Variants in MAOA observed in about 807,000 individuals in gnomAD.
MAOA encodes monoamine oxidase A.
A neutral mutation model predicts 42.0 loss-of-function variants in MAOA; 6 were observed. That is an observed-to-expected ratio of 0.14 (90% confidence interval 0.08 to 0.28). The LOEUF (loss-of-function observed/expected upper bound fraction) is 0.28, where lower values mean the gene tolerates loss of function less well. Among genes scored for constraint, MAOA ranks in the 10% least tolerant of loss-of-function variants. MAOA has a pLI of 1.00. For missense variants in MAOA, 262 were observed against 422.3 expected (o/e 0.62, Z 3.33); for synonymous variants, 140 against 154.0 (o/e 0.91, Z 0.67).
At chrX:43,672,504 G>C (rs2033346707) in intron 1 of MAOA, among the ~76,000 whole-genome samples, 1 of 111,303 alleles carries the variant, frequency 9.0e-6, no homozygotes, top group Non-Finnish European at 1.9e-5. Context: ...GTGAGAGAGG[G>C]CATCCCTGTC....
At chrX:43,711,205 A>G (rs1243065412) in intron 3 of MAOA, among the ~76,000 whole-genome samples, 1 of 111,028 alleles carries the variant, frequency 9.0e-6, no homozygotes, top group African/African-American at 3.3e-5. Flanking sequence ...GGTAGCTGGG[A>G]CCATCCTGCC....
intron 2 of MAOA, among the ~76,000 whole-genome samples, chrX:43,692,048 CAT>C (rs2033540199): frequency 9.5e-6 from 1 of 104,794 alleles, no homozygotes; most frequent in Non-Finnish European, 2.0e-5. Context: ...CGCACGCACA[CAT>C]CTTTAAAGCA....
intron 3 of MAOA, 98 bp downstream of exon 3, chrX:43,693,526 A>G (rs41303697): frequency 0.069 from 65,097 of 939,875 alleles, 1,795 homozygotes; most frequent in Non-Finnish European, 0.083. Flanking sequence ...AAGCAATTGT[A>G]AAAGTAGGCT....
intron 10 of MAOA, among the ~76,000 whole-genome samples, chrX:43,738,859 G>T (rs1289618540): frequency 9.0e-6 from 1 of 111,494 alleles, no homozygotes; most frequent in African/African-American, 3.3e-5. Context: ...GTACTGTTGA[G>T]CTTTTTTAGA....
intron 5 of MAOA, among the ~76,000 whole-genome samples, chrX:43,714,355 T>C (rs2033722040): frequency 9.1e-6 from 1 of 110,467 alleles, no homozygotes; most frequent in African/African-American, 3.3e-5. Context: ...CCAGGTATGA[T>C]CCACAGGTTC....
At chrX:43,667,790 G>T (rs1304609124) in intron 1 of MAOA, among the ~76,000 whole-genome samples, 1 of 111,639 alleles carries the variant, frequency 9.0e-6, no homozygotes, top group East Asian at 2.8e-4. Context: ...ATAGTTTATT[G>T]TGTATCCTTT....
At chrX:43,736,305 G>A in intron 10 of MAOA, 25 bp downstream of exon 10, 7 of 1,085,132 alleles carry the variant, frequency 6.5e-6, no homozygotes, top group Non-Finnish European at 8.8e-6. Context: ...CTGAAAAATA[G>A]ATGAAAAAGT....
intron 10 of MAOA, among the ~76,000 whole-genome samples, chrX:43,737,746 A>T (rs2033930698): frequency 8.9e-6 from 1 of 112,182 alleles, no homozygotes. Flanking sequence ...TCCAACATTT[A>T]AATTTTGGAG....
intron 3 of MAOA, among the ~76,000 whole-genome samples, chrX:43,708,869 T>G (rs886384315): frequency 1.9e-5 from 2 of 107,841 alleles, no homozygotes; most frequent in African/African-American, 3.4e-5. Flanking sequence ...TTTTGTTTGT[T>G]TGTGTGTTTG....
At chrX:43,659,061 C>T (rs1569187709) in intron 1 of MAOA, among the ~76,000 whole-genome samples, 1 of 111,471 alleles carries the variant, frequency 9.0e-6, no homozygotes, top group Non-Finnish European at 1.9e-5. Context: ...TCCATAGCAT[C>T]AGCAGTGTTA....
intron 5 of MAOA, among the ~76,000 whole-genome samples, chrX:43,725,497 T>C (rs1239870792): frequency 2.9e-5 from 3 of 104,045 alleles, no homozygotes; most frequent in African/African-American, 1.0e-4. Context: ...CAACCCCTGC[T>C]TTTTTTTTTT....
intron 3 of MAOA, among the ~76,000 whole-genome samples, chrX:43,706,984 A>G (rs1367244943): frequency 4.5e-5 from 5 of 112,024 alleles, no homozygotes; most frequent in Non-Finnish European, 7.5e-5. Context: ...TCATAAGCAA[A>G]CACATAGGAA....
chrX:43,677,753 C>G (rs1231899397), intron 1 of MAOA, among the ~76,000 whole-genome samples: 1 of 111,711 alleles, frequency 9.0e-6, no homozygotes, highest in Non-Finnish European at 1.9e-5. Context: ...CCTTAACAAA[C>G]TCTTTGTGAA....
intron 2 of MAOA, among the ~76,000 whole-genome samples, chrX:43,687,898 G>C (rs778615848): frequency 2.7e-5 from 3 of 112,832 alleles, no homozygotes; most frequent in Non-Finnish European, 3.7e-5. Context: ...CACTTCCACT[G>C]CTATCCCCTG....
chrX:43,725,041 G>A (rs962284132), intron 5 of MAOA, among the ~76,000 whole-genome samples: 4 of 111,912 alleles, frequency 3.6e-5, no homozygotes, highest in African/African-American at 1.3e-4. Context: ...CTGACAGACA[G>A]TTCGTTGTGA....
intron 9 of MAOA, 44 bp downstream of exon 9, chrX:43,732,839 T>C (rs1335503756): frequency 2.3e-6 from 2 of 866,779 alleles, no homozygotes; most frequent in Admixed American, 4.4e-5. Flanking sequence ...ATTGTGTTGA[T>C]GTATTGGTGT....
chrX:43,668,221 C>T (rs1569189418), intron 1 of MAOA, among the ~76,000 whole-genome samples: 1 of 112,132 alleles, frequency 8.9e-6, no homozygotes, highest in Non-Finnish European at 1.9e-5. Context: ...TATATTTCTC[C>T]AGTTATGAGT....
At chrX:43,661,475 G>T (rs988449599) in intron 1 of MAOA, among the ~76,000 whole-genome samples, 3 of 111,593 alleles carry the variant, frequency 2.7e-5, no homozygotes, top group Non-Finnish European at 5.7e-5. Flanking sequence ...TGGAAAAAAA[G>T]ACATACCATA....
intron 5 of MAOA, among the ~76,000 whole-genome samples, chrX:43,716,666 A>C (rs1307237884): frequency 1.8e-5 from 2 of 110,497 alleles, no homozygotes; most frequent in Non-Finnish European, 3.8e-5. Context: ...TGTGGATGGT[A>C]TCTTCCACGA....
Sources: gnomAD v4.1 joint callset for allele counts (sites outside exome capture counted in the v4.1 genomes callset) on GRCh38, gnomAD v4.1.1 for gene constraint, MANE v1.5 for transcripts, NCBI Gene and HGNC (gene_info 2026-07-23, HGNC 2026-07-21) for gene names.